Variants in IRS1 observed in about 807,000 individuals in gnomAD.
The protein encoded by IRS1 is insulin receptor substrate 1.
Under a neutral mutation model 65.6 loss-of-function variants are expected in IRS1, and 34 were observed. The observed-to-expected ratio is 0.52, with a 90% CI of 0.39 to 0.69. The LOEUF (loss-of-function observed/expected upper bound fraction) is 0.69, where lower values mean the gene tolerates loss of function less well. Ranked by LOEUF, IRS1 falls within the 30% of genes least tolerant of loss-of-function variation. The pLI is 0.00. For missense variants in IRS1, 1,641 were observed against 1,720.2 expected, an observed-to-expected ratio of 0.95 and a Z score of 0.81; for synonymous variants, 699 against 683.5, an observed-to-expected ratio of 1.02 and a Z score of -0.35.
chr2:226,784,168 T>G (rs566875474), intron 1 of IRS1, among the ~76,000 whole-genome samples: 60 of 152,262 alleles, frequency 3.9e-4, no homozygotes, highest in South Asian at 1.0e-3. Context: ...AAGCACTTTA[T>G]TTGGTTGTGG....
At chr2:226,745,914 G>C (rs878954542) in intron 1 of IRS1, among the ~76,000 whole-genome samples, 2 of 152,136 alleles carry the variant, frequency 1.3e-5, no homozygotes, top group African/African-American at 4.8e-5. Flanking sequence ...AAGGAGGAAG[G>C]GGAAAATGCC....
chr2:226,766,780 C>T lies in IRS1; in HGVS notation c.*21+28209G>A, dbSNP rs192259535. 6.4e-4 allele frequency among the ~76,000 whole-genome samples: 97 copies of T among 152,212 alleles called. No homozygotes were observed. The Middle Eastern group carries it at 0.048, about 75-fold the overall frequency. ...GTGTCTTCTGCTTCCCTACTAAAACCTTATAATTGCAGGAACTCAAATAAT... is the reference window on the plus strand; with the variant it reads ...GTGTCTTCTGCTTCCCTACTAAAACTTTATAATTGCAGGAACTCAAATAAT... On this transcript the variant is annotated intron_variant, in intron 1 of 1. Transcript: ENST00000305123.
intron 1 of IRS1, among the ~76,000 whole-genome samples, chr2:226,764,435 T>C (rs955663364): frequency 1.3e-5 from 2 of 152,022 alleles, no homozygotes; most frequent in Admixed American, 6.6e-5. Context: ...CCAAGCTACA[T>C]GGGAGGATAA....
chr2:226,766,756 T>C (rs1939056124), intron 1 of IRS1, among the ~76,000 whole-genome samples: 1 of 152,184 alleles, frequency 6.6e-6, no homozygotes, highest in Non-Finnish European at 1.5e-5. Context: ...AATATTTTTG[T>C]GTCTTCTGCT....
chr2:226,774,205 A>G (rs1057068399), intron 1 of IRS1, among the ~76,000 whole-genome samples: 1 of 152,242 alleles, frequency 6.6e-6, no homozygotes, highest in Non-Finnish European at 1.5e-5. Flanking sequence ...GTAAATGTCT[A>G]TACTGAATCA....
rs1939667860 is a variant in IRS1, at chr2:226,794,440, G to C, written c.*21+549C>G. Among the ~76,000 whole-genome samples, 1 of 152,178 alleles carries C rather than the reference G, an allele frequency of 6.6e-6. No individual in the cohort carries two copies. The highest frequency in any genetic ancestry group is 6.5e-5 in the Admixed American group (1 of 15,282). On this transcript the variant is annotated intron_variant, in intron 1 of 1. Transcript: ENST00000305123. This position sits in a 1 kb window ranked among gnomAD's most constrained non-coding sequence, Gnocchi z 4.1. The stretch of plus-strand genomic sequence containing the variant: ...TCTTACTCCTGATCTTTTTAGGGCA[G>C]GATGAATAGAAATCAATGCTTCCCG...
chr2:226,787,332 C>T (rs1017257792), intron 1 of IRS1, among the ~76,000 whole-genome samples: 3 of 152,092 alleles, frequency 2.0e-5, no homozygotes, highest in Non-Finnish European at 4.4e-5. Flanking sequence ...TAGAAAGATT[C>T]AGAAAAATAC....
intron 1 of IRS1, among the ~76,000 whole-genome samples, chr2:226,763,029 T>C (rs1938951196): frequency 2.0e-5 from 3 of 152,198 alleles, no homozygotes; most frequent in Admixed American, 2.0e-4. Context: ...TATATCATCA[T>C]CTTCCTTTAA....
chr2:226,759,979 A>G (rs934549285), intron 1 of IRS1, among the ~76,000 whole-genome samples: 1 of 152,186 alleles, frequency 6.6e-6, no homozygotes, highest in Non-Finnish European at 1.5e-5. Flanking sequence ...GTTTGAGACC[A>G]GCCTGGCCAA....
rs1304855486 is a variant in IRS1, at chr2:226,731,855, C to T, written c.*4417G>A. The T allele has an allele frequency of 2.0e-5, 3 of 152,018 alleles. No individual in the cohort carries two copies. Among genetic ancestry groups the T allele is most frequent in the Admixed American group, 6.6e-5 (1 of 15,258 alleles). The allele number at this position is 152,018 out of a possible 1,614,324, so 9.4% of individuals were successfully genotyped here. ...TAAAAAGAAAAAGAAAAAAAAAACCCTACAAATGTCTATGCAAATATGGAC... is the reference window on the plus strand; with the variant it reads ...TAAAAAGAAAAAGAAAAAAAAAACCTTACAAATGTCTATGCAAATATGGAC... On this transcript the variant is annotated 3_prime_UTR_variant, in exon 2 of 2. Transcript: ENST00000305123.
At position 226,799,258 on chromosome 2, in the gene IRS1, G is replaced by T. The variant is rs111262500; in HGVS notation, c.-520C>A. On this transcript the variant is annotated 5_prime_UTR_variant, in exon 1 of 2. Coordinates refer to ENST00000305123, the MANE Select transcript of IRS1 (RefSeq NM_005544.3). The surrounding 1 kb of genome is among the most constrained non-coding windows in gnomAD (Gnocchi z 6.1). ...TTGCCAAGTCCCAACGTTGCACGGG[G>T]TTCTCCCTCCTCCTTCGCCTCCTCC... 1.6e-3 allele frequency: 1,863 copies of T among 1,143,406 alleles called. 25 individuals carry two copies. The African/African-American group carries it at 0.028, about 17-fold the overall frequency. 70.8% of individuals were successfully genotyped at this position (1,143,406 alleles called of 1,614,324 possible).
chr2:226,780,061 C>T (rs1209440809), intron 1 of IRS1, among the ~76,000 whole-genome samples: 1 of 152,180 alleles, frequency 6.6e-6, no homozygotes, highest in East Asian at 1.9e-4. Flanking sequence ...GGAGGGAAAT[C>T]TATGAATCAC....
chr2:226,739,815 G>C (rs928647042), intron 1 of IRS1, among the ~76,000 whole-genome samples: 33 of 152,146 alleles, frequency 2.2e-4, no homozygotes, highest in African/African-American at 7.5e-4. Flanking sequence ...GCAAACATTT[G>C]CGTAACTTAA....
At chr2:226,739,940 G>A (rs766099467) in intron 1 of IRS1, among the ~76,000 whole-genome samples, 2 of 152,208 alleles carry the variant, frequency 1.3e-5, no homozygotes, top group African/African-American at 2.4e-5. Context: ...GGAAAAGCCC[G>A]CATAGGCGTA....
chr2:226,783,892 G>A (rs928636409), intron 1 of IRS1, among the ~76,000 whole-genome samples: 1 of 152,054 alleles, frequency 6.6e-6, no homozygotes, highest in Admixed American at 6.6e-5. Context: ...TGCTCTTGCT[G>A]CTGGGAACCT....
chr2:226,797,123 G>C lies in IRS1; in HGVS notation c.1616C>G (p.Thr539Ser). 1 of 1,613,850 alleles carries C rather than the reference G, an allele frequency of 6.2e-7. No homozygotes were observed. The highest frequency in any genetic ancestry group is 8.5e-7 in the Non-Finnish European group (1 of 1,180,018). ...GTSPTITHQK[T>S]PSQSSVASIE... ...GGAAGCCACTGAGGACTGGGACGGG[G>C]TCTTCTGGTGGGTAATGGTAGGGGA... Residue 539 changes from threonine to serine, a missense_variant, in exon 1 of 2, where the codon ACC (threonine) becomes AGC (serine). Physicochemically the swap from Thr to Ser is moderately conservative, Grantham distance 58. Transcript: ENST00000305123. This position sits in a 1 kb window ranked among gnomAD's most constrained non-coding sequence, Gnocchi z 8.1.
intron 1 of IRS1, among the ~76,000 whole-genome samples, chr2:226,792,684 A>C (rs1190114566): frequency 1.3e-5 from 2 of 152,208 alleles, no homozygotes; most frequent in Non-Finnish European, 2.9e-5. Context: ...TATTCCTTTC[A>C]CCGAGTCTCA....
intron 1 of IRS1, among the ~76,000 whole-genome samples, chr2:226,748,428 C>CAAAAA (rs748065097): frequency 8.1e-5 from 4 of 49,540 alleles, no homozygotes; most frequent in South Asian, 7.0e-4. Flanking sequence ...GACTCTGTCT[C>CAAAAA]AAAAAAAAAA....
chr2:226,735,609 CTTATA>C lies in IRS1; in HGVS notation c.*658_*662del, dbSNP rs948204321. 2.6e-5 allele frequency: 4 copies of C among 152,524 alleles called. No homozygotes were observed. Among genetic ancestry groups the C allele is most frequent in the African/African-American group, 9.7e-5 (4 of 41,412 alleles). 9.4% of individuals were successfully genotyped at this position (152,524 alleles called of 1,614,324 possible). A position where few individuals can be genotyped will look rare whatever the true frequency, so the allele number is the denominator to read the frequency against. The stretch of plus-strand genomic sequence containing the variant: ...GAGAACCATCTATGGCACTATGATT[CTTATA>C]TTATGTTTTCTGAATTACAATCTTA... On this transcript the variant is annotated 3_prime_UTR_variant, in exon 2 of 2. Transcript: ENST00000305123.
Sources: gnomAD v4.1 joint callset for allele counts (sites outside exome capture counted in the v4.1 genomes callset) on GRCh38, gnomAD v4.1.1 for gene constraint, Gnocchi (gnomAD v3.1) non-coding constraint, MANE v1.5 for transcripts, NCBI Gene and HGNC (gene_info 2026-07-23, HGNC 2026-07-21) for gene names.